Variants in LRFN5 observed in about 807,000 individuals in gnomAD.
The protein encoded by LRFN5 is leucine rich repeat and fibronectin type III domain containing 5.
A neutral mutation model predicts 45.6 loss-of-function variants in LRFN5; 24 were observed. That is an observed-to-expected ratio of 0.53 (90% confidence interval 0.38 to 0.74). LRFN5 has a LOEUF of 0.74. LRFN5 is among the 30% of genes least tolerant of loss of function. The probability of loss-of-function intolerance (pLI) is 0.00; values close to 1 mark genes in which losing one functional copy is unlikely to be tolerated. For missense variants in LRFN5, 776 were observed against 861.5 expected (o/e 0.90, Z 1.24); for synonymous variants, 340 against 313.8 (o/e 1.08, Z -0.88).
At chr14:41,722,398 G>T (rs148613631) in intron 1 of LRFN5, among the ~76,000 whole-genome samples, 1 of 152,084 alleles carries the variant, frequency 6.6e-6, no homozygotes, top group Non-Finnish European at 1.5e-5. Flanking sequence ...TTACCGGAGA[G>T]CTAGTGTGAT....
At chr14:41,781,396 G>A (rs964878101) in intron 2 of LRFN5, among the ~76,000 whole-genome samples, 5 of 151,714 alleles carry the variant, frequency 3.3e-5, no homozygotes, top group Non-Finnish European at 5.9e-5. Flanking sequence ...TACTAGGGAG[G>A]CTGATCTGGT....
chr14:41,654,412 C>T (rs1406339410), intron 1 of LRFN5, among the ~76,000 whole-genome samples: 3 of 151,854 alleles, frequency 2.0e-5, no homozygotes, highest in African/African-American at 7.3e-5. Flanking sequence ...GTACATAGTG[C>T]ATATTTGTAT....
chr14:41,675,350 C>T (rs1164058727), intron 1 of LRFN5, among the ~76,000 whole-genome samples: 1 of 152,254 alleles, frequency 6.6e-6, no homozygotes, highest in South Asian at 2.1e-4. Context: ...TCTGCAATCC[C>T]GGCACCTCGG....
intron 1 of LRFN5, among the ~76,000 whole-genome samples, chr14:41,663,663 A>G (rs1441726229): frequency 6.6e-6 from 1 of 151,922 alleles, no homozygotes; most frequent in Non-Finnish European, 1.5e-5. Flanking sequence ...ATTTGCCAGC[A>G]TATCCTGGCA....
At chr14:41,660,233 C>G (rs994169689) in intron 1 of LRFN5, among the ~76,000 whole-genome samples, 6 of 151,992 alleles carry the variant, frequency 3.9e-5, no homozygotes, top group African/African-American at 1.4e-4. Context: ...TTCATGTTAG[C>G]CTGGCTGGTC....
At chr14:41,724,526 T>C (rs1193446172) in intron 1 of LRFN5, among the ~76,000 whole-genome samples, 1 of 152,172 alleles carries the variant, frequency 6.6e-6, no homozygotes, top group African/African-American at 2.4e-5. Context: ...ATTTGAGATC[T>C]AAAAACTGTT....
At chr14:41,681,647 T>C (rs1661725027) in intron 1 of LRFN5, among the ~76,000 whole-genome samples, 1 of 151,400 alleles carries the variant, frequency 6.6e-6, no homozygotes, top group Non-Finnish European at 1.5e-5. Flanking sequence ...CTAAAGGGAG[T>C]TCTTCAGACT....
At chr14:41,815,234 T>C (rs1887876014) in intron 2 of LRFN5, among the ~76,000 whole-genome samples, 1 of 152,188 alleles carries the variant, frequency 6.6e-6, no homozygotes, top group African/African-American at 2.4e-5. Flanking sequence ...TTCAGGTACA[T>C]GCATGTTAAT....
At chr14:41,870,713 T>C (rs2139117482) in intron 2 of LRFN5, among the ~76,000 whole-genome samples, 1 of 152,310 alleles carries the variant, frequency 6.6e-6, no homozygotes, top group Middle Eastern at 3.4e-3. Flanking sequence ...AGTCAAATAA[T>C]TGGGAGTTGT....
chr14:41,679,161 T>C (rs1566617867), intron 1 of LRFN5, among the ~76,000 whole-genome samples: 1 of 152,272 alleles, frequency 6.6e-6, no homozygotes, highest in East Asian at 1.9e-4. Context: ...CTAAATAAAC[T>C]TGAAAGGCAG....
chr14:41,672,885 A>G (rs1036059951), intron 1 of LRFN5, among the ~76,000 whole-genome samples: 1 of 152,192 alleles, frequency 6.6e-6, no homozygotes, highest in African/African-American at 2.4e-5. Context: ...TGCCTTTAAA[A>G]TAAATAGGGA....
At chr14:41,894,521 A>T (rs1020237587) in intron 4 of LRFN5, 1 of 965,426 alleles carries the variant, frequency 1.0e-6, no homozygotes, top group Non-Finnish European at 1.2e-6. Flanking sequence ...TTGCCCTTCA[A>T]AAAGTCTATA....
chr14:41,846,234 C>T (rs943421138), intron 2 of LRFN5, among the ~76,000 whole-genome samples: 3 of 150,940 alleles, frequency 2.0e-5, no homozygotes, highest in Non-Finnish European at 2.9e-5. Context: ...CACACACACG[C>T]ACACACACAC....
chr14:41,844,889 A>G (rs188435248), intron 2 of LRFN5, among the ~76,000 whole-genome samples: 1 of 152,290 alleles, frequency 6.6e-6, no homozygotes, highest in East Asian at 1.9e-4. Flanking sequence ...TATATCAGAT[A>G]TAATTAATTA....
intron 2 of LRFN5, among the ~76,000 whole-genome samples, chr14:41,831,921 G>C (rs1326465280): frequency 6.6e-6 from 1 of 152,020 alleles, no homozygotes; most frequent in African/African-American, 2.4e-5. Flanking sequence ...CCCTCTTACT[G>C]GCTTACAGAT....
Position 41,725,200 on chromosome 14 carries a change from C to T in LRFN5, c.-196-41654C>T, listed in dbSNP as rs116921203. The stretch of plus-strand genomic sequence containing the variant: ...GTTAGGATTCACATTTTAGATGTGG[C>T]GAACTTGAGGCTTAAAAATGTTGCT... On this transcript the variant is annotated intron_variant, in intron 1 of 5. Coordinates refer to ENST00000298119, the MANE Select transcript of LRFN5 (RefSeq NM_152447.5). Among the ~76,000 whole-genome samples, 13 of 152,212 alleles carry T rather than the reference C, an allele frequency of 8.5e-5. No homozygotes were observed. The East Asian group carries it at 2.1e-3, about 25-fold the overall frequency.
intron 1 of LRFN5, among the ~76,000 whole-genome samples, chr14:41,757,085 A>T (rs1056252960): frequency 6.6e-6 from 1 of 152,116 alleles, no homozygotes; most frequent in African/African-American, 2.4e-5. Flanking sequence ...ATTGGTGAAC[A>T]GCAAATGTTG....
At chr14:41,641,260 C>T (rs974959900) in intron 1 of LRFN5, among the ~76,000 whole-genome samples, 2 of 152,008 alleles carry the variant, frequency 1.3e-5, no homozygotes, top group Non-Finnish European at 2.9e-5. Context: ...AAAATATTAA[C>T]TATAAATTCA....
chr14:41,628,175 T>A (rs1210951727), intron 1 of LRFN5, among the ~76,000 whole-genome samples: 2 of 152,186 alleles, frequency 1.3e-5, no homozygotes, highest in African/African-American at 2.4e-5. Flanking sequence ...ATCCTCTCTA[T>A]AATTTTAAGT....
Sources: allele counts gnomAD v4.1 joint callset (sites outside exome capture counted in the v4.1 genomes callset), GRCh38; gene constraint gnomAD v4.1.1; transcripts MANE v1.5; gene names NCBI Gene and HGNC (gene_info 2026-07-23, HGNC 2026-07-21).